Variants in B3GALT1 observed in about 807,000 individuals in gnomAD.
B3GALT1 encodes the protein UDP-Gal:betaGlcNAc beta 1,3-galactosyltransferase, polypeptide 1.
Under a neutral mutation model 23.2 loss-of-function variants are expected in B3GALT1, and 10 were observed. The observed-to-expected ratio is 0.43, with a 90% CI of 0.27 to 0.73. The LOEUF (loss-of-function observed/expected upper bound fraction) is 0.73, where lower values mean the gene tolerates loss of function less well. Ranked by LOEUF, B3GALT1 falls within the 30% of genes least tolerant of loss-of-function variation. The pLI is 0.21. For synonymous variants in B3GALT1, 156 were observed against 141.5 expected (o/e 1.10, Z -0.73); for missense variants, 299 against 405.4 (o/e 0.74, Z 2.25).
chr2:167,700,935 T>G (rs114702590), intron 3 of B3GALT1, among the ~76,000 whole-genome samples: 137 of 152,314 alleles, frequency 9.0e-4, no homozygotes, highest in African/African-American at 3.0e-3. Flanking sequence ...TTCAACAGAT[T>G]GTACTTTCTC....
At chr2:167,719,937 A>G (rs963835094) in intron 3 of B3GALT1, among the ~76,000 whole-genome samples, 13 of 152,084 alleles carry the variant, frequency 8.5e-5, no homozygotes, top group African/African-American at 3.1e-4. Context: ...GTCTCAAAAA[A>G]AAAAAAAGAA....
chr2:167,342,589 CA>C (rs58789417), intron 1 of B3GALT1, among the ~76,000 whole-genome samples: 3,642 of 93,732 alleles, frequency 0.039, 88 homozygotes, highest in African/African-American at 0.1. Context: ...GACTTCATCT[CA>C]AAAAAAAAAA....
Position 167,867,148 on chromosome 2 carries a change from G to T in B3GALT1, c.-229-1663G>T, listed in dbSNP as rs372240157. ...TCACCGTTTTAGCCAGGATGGTCTCGATCTCCTGACCTCGTGATCCGCCCC... is the reference window on the plus strand; with the variant it reads ...TCACCGTTTTAGCCAGGATGGTCTCTATCTCCTGACCTCGTGATCCGCCCC... On this transcript the variant is annotated intron_variant, in intron 4 of 4. Transcript: ENST00000392690. Among the ~76,000 whole-genome samples the T allele has an allele frequency of 5.8e-3, 881 of 152,100 alleles. 6 individuals carry two copies. Among genetic ancestry groups the T allele is most frequent in the Admixed American group, 8.0e-3 (123 of 15,294 alleles).
At chr2:167,868,365 CA>C (rs1264819605) in intron 4 of B3GALT1, among the ~76,000 whole-genome samples, 5 of 152,086 alleles carry the variant, frequency 3.3e-5, no homozygotes, top group African/African-American at 1.2e-4. Flanking sequence ...TGTTGAGAAT[CA>C]ATTCCTTCAC....
At position 167,734,901 on chromosome 2, in the gene B3GALT1, T is replaced by A. The variant is rs144884242; in HGVS notation, c.-351-83771T>A. On this transcript the variant is annotated intron_variant, in intron 3 of 4. Coordinates refer to ENST00000392690, the MANE Select transcript of B3GALT1 (RefSeq NM_020981.4). ...TGCTTGATTTCCAACTATTTTCAAA[T>A]ACCTTATTCATAAGTCCCATTTTTC... Among the ~76,000 whole-genome samples, 28 of 152,350 alleles carry A rather than the reference T, an allele frequency of 1.8e-4. 1 individual carries two copies. The highest frequency in any genetic ancestry group is 7.2e-4 in the Admixed American group (11 of 15,292).
rs1491103339 is a variant in B3GALT1 at position 167,314,680 on chromosome 2, CAT to C, written c.-511+21347_-511+21348del. Among the ~76,000 whole-genome samples, 126 of 152,120 alleles carry C rather than the reference CAT, an allele frequency of 8.3e-4. 1 individual carries two copies. Among genetic ancestry groups the C allele is most frequent in the African/African-American group, 2.9e-3 (122 of 41,502 alleles). ...AAATAAGACACATTTTATGTGGACA[CAT>C]TTTTTTTCTGAGTGTGATAAGGCTG... On this transcript the variant is annotated intron_variant, in intron 1 of 4. Transcript: ENST00000392690.
chr2:167,618,607 C>T (rs1204644115), intron 2 of B3GALT1, among the ~76,000 whole-genome samples: 1 of 151,982 alleles, frequency 6.6e-6, no homozygotes, highest in Non-Finnish European at 1.5e-5. Flanking sequence ...GACTAATGTT[C>T]TTCATAACAA....
intron 2 of B3GALT1, among the ~76,000 whole-genome samples, chr2:167,508,776 A>T (rs559920627): frequency 1.4e-5 from 2 of 146,932 alleles, no homozygotes; most frequent in Non-Finnish European, 3.0e-5. Context: ...AACTTTTCAT[A>T]AAAAAAAAAG....
Position 167,461,961 on chromosome 2 carries a change from C to T in B3GALT1, c.-510-28216C>T, listed in dbSNP as rs1262702971. On this transcript the variant is annotated intron_variant, in intron 1 of 4. Coordinates refer to ENST00000392690, the MANE Select transcript of B3GALT1 (RefSeq NM_020981.4). ...AACTATTTGTGTGGGGGCAAGATGCCCTAGTTGTAGTATTTGCCAATTTCT... is the reference window on the plus strand; with the variant it reads ...AACTATTTGTGTGGGGGCAAGATGCTCTAGTTGTAGTATTTGCCAATTTCT... 7.9e-5 allele frequency among the ~76,000 whole-genome samples: 12 copies of T among 152,134 alleles called. 1 individual carries two copies. The South Asian group carries it at 1.9e-3, about 24-fold the overall frequency.
intron 3 of B3GALT1, among the ~76,000 whole-genome samples, chr2:167,770,087 T>C (rs1462272000): frequency 6.6e-6 from 1 of 152,126 alleles, no homozygotes; most frequent in Admixed American, 6.5e-5. Context: ...TGTTTGTATG[T>C]TTATTTAGGT....
At chr2:167,428,412 C>G (rs1220107669) in intron 1 of B3GALT1, among the ~76,000 whole-genome samples, 1 of 152,142 alleles carries the variant, frequency 6.6e-6, no homozygotes, top group Non-Finnish European at 1.5e-5. Context: ...TAGCAGCTTA[C>G]GCCAGTTATT....
At chr2:167,401,619 T>A (rs6722016) in intron 1 of B3GALT1, among the ~76,000 whole-genome samples, 15,563 of 152,184 alleles carry the variant, frequency 0.1, 968 homozygotes, top group African/African-American at 0.18. Flanking sequence ...TATCAAGTTC[T>A]CTGAGTTATC....
intron 1 of B3GALT1, among the ~76,000 whole-genome samples, chr2:167,486,141 A>G (rs1005570160): frequency 8.5e-5 from 13 of 152,200 alleles, no homozygotes; most frequent in Non-Finnish European, 1.8e-4. Context: ...CAGGTGGATC[A>G]CAAGGTCAAG....
chr2:167,794,086 A>G (rs1298406831), intron 3 of B3GALT1, among the ~76,000 whole-genome samples: 1 of 152,226 alleles, frequency 6.6e-6, no homozygotes, highest in Non-Finnish European at 1.5e-5. Context: ...TTTGCTCTTC[A>G]AACCCCATAT....
At chr2:167,576,354 G>T (rs921566219) in intron 2 of B3GALT1, among the ~76,000 whole-genome samples, 1 of 151,622 alleles carries the variant, frequency 6.6e-6, no homozygotes, top group African/African-American at 2.4e-5. Context: ...TCTCCAATTA[G>T]AATAGTGTAC....
chr2:167,505,651 C>A (rs1699907213), intron 2 of B3GALT1, among the ~76,000 whole-genome samples: 1 of 152,046 alleles, frequency 6.6e-6, no homozygotes, highest in Non-Finnish European at 1.5e-5. Context: ...TGGAGAGCTA[C>A]CTAGAAATCA....
At chr2:167,566,878 A>G (rs1333912302) in intron 2 of B3GALT1, among the ~76,000 whole-genome samples, 3 of 152,148 alleles carry the variant, frequency 2.0e-5, no homozygotes, top group Non-Finnish European at 4.4e-5. Context: ...TCTCCCCTTA[A>G]CATGTTCTTC....
rs1388696005 is a variant in B3GALT1, at chr2:167,676,644, C to T, written c.-352+29678C>T. Among the ~76,000 whole-genome samples, 4 of 152,074 alleles carry T rather than the reference C, an allele frequency of 2.6e-5. No homozygotes were observed. The East Asian group carries it at 7.7e-4, about 29-fold the overall frequency. ...TGGCGCAATCTCAGCTCACTGCAAC[C>T]TCTGCCTCCTGGATTCAAATGATCC... is the stretch of plus-strand genomic sequence containing the variant. On this transcript the variant is annotated intron_variant, in intron 3 of 4. Coordinates refer to ENST00000392690, the MANE Select transcript of B3GALT1 (RefSeq NM_020981.4).
chr2:167,761,960 G>A (rs1050949013), intron 3 of B3GALT1, among the ~76,000 whole-genome samples: 5 of 152,138 alleles, frequency 3.3e-5, no homozygotes, highest in African/African-American at 1.2e-4. Flanking sequence ...CTCATAGCAG[G>A]TATGCAAATA....
Sources: gnomAD v4.1 joint callset for allele counts (sites outside exome capture counted in the v4.1 genomes callset) on GRCh38, gnomAD v4.1.1 for gene constraint, MANE v1.5 for transcripts, NCBI Gene and HGNC (gene_info 2026-07-23, HGNC 2026-07-21) for gene names.